The following CAMKMT variants were observed in gnomAD, a reference collection of about 807,000 sequenced individuals.
CAMKMT encodes CaM KMT.
CAMKMT carries 53 observed loss-of-function variants against 48.0 expected under a neutral mutation model. That is an observed-to-expected ratio of 1.10 (90% CI 0.89 to 1.39). CAMKMT has a LOEUF of 1.39. Among genes scored for constraint, CAMKMT ranks in the 40% most tolerant of loss-of-function variants. The pLI is 0.00. For synonymous variants in CAMKMT, 165 were observed against 152.3 expected (o/e 1.08, Z -0.61); for missense variants, 428 against 402.7 (o/e 1.06, Z -0.54).
At chr2:44,603,731 A>C (rs1380236975) in intron 3 of CAMKMT, among the ~76,000 whole-genome samples, 1 of 152,206 alleles carries the variant, frequency 6.6e-6, no homozygotes, top group Non-Finnish European at 1.5e-5. Context: ...TGCCCTCTTT[A>C]ATTATTTAAA....
At chr2:44,579,290 C>T (rs1017128652) in intron 3 of CAMKMT, among the ~76,000 whole-genome samples, 16 of 151,566 alleles carry the variant, frequency 1.1e-4, no homozygotes, top group African/African-American at 3.9e-4. Flanking sequence ...TTGCTCATGT[C>T]AGGTATTTAA....
At chr2:44,691,793 T>C (rs564163377) in intron 3 of CAMKMT, among the ~76,000 whole-genome samples, 1 of 152,286 alleles carries the variant, frequency 6.6e-6, no homozygotes, top group African/African-American at 2.4e-5. Context: ...CCCTGTGCCT[T>C]GATTTCCTCC....
At chr2:44,445,466 C>T (rs1666924682) in intron 3 of CAMKMT, among the ~76,000 whole-genome samples, 2 of 151,856 alleles carry the variant, frequency 1.3e-5, no homozygotes, top group South Asian at 4.1e-4. Flanking sequence ...TGAAAAATGC[C>T]CTCTTTTTTC....
chr2:44,398,527 C>G (rs889512827), intron 3 of CAMKMT, among the ~76,000 whole-genome samples: 1 of 148,226 alleles, frequency 6.7e-6, no homozygotes, highest in African/African-American at 2.5e-5. Context: ...CAAATGCGGG[C>G]TTTGTTTTAC....
At chr2:44,536,582 C>A (rs1256671122) in intron 3 of CAMKMT, among the ~76,000 whole-genome samples, 2 of 151,978 alleles carry the variant, frequency 1.3e-5, no homozygotes, top group Non-Finnish European at 2.9e-5. Context: ...CCCGCCTCAG[C>A]CTCCCAAAGT....
chr2:44,374,319 G>A (rs1462487592), intron 2 of CAMKMT, among the ~76,000 whole-genome samples: 2 of 152,114 alleles, frequency 1.3e-5, no homozygotes, highest in African/African-American at 2.4e-5. Context: ...TCTGTGTCAG[G>A]TACAGAGCTA....
chr2:44,367,240 C>G (rs765737432), intron 1 of CAMKMT, among the ~76,000 whole-genome samples: 2 of 151,618 alleles, frequency 1.3e-5, no homozygotes, highest in Admixed American at 1.3e-4. Flanking sequence ...TTTTCTTGTT[C>G]CAATATCCGA....
intron 3 of CAMKMT, among the ~76,000 whole-genome samples, chr2:44,452,447 C>T (rs1248064612): frequency 1.3e-5 from 2 of 152,012 alleles, no homozygotes; most frequent in Non-Finnish European, 2.9e-5. Flanking sequence ...GTGCCTGATA[C>T]ATTATTGAAT....
At chr2:44,555,026 A>G in intron 3 of CAMKMT, among the ~76,000 whole-genome samples, 1 of 152,150 alleles carries the variant, frequency 6.6e-6, no homozygotes, top group East Asian at 1.9e-4. Flanking sequence ...AGGAAACTGC[A>G]TATATGGAAG....
chr2:44,470,043 G>T (rs138632773), intron 3 of CAMKMT, among the ~76,000 whole-genome samples: 4,841 of 151,836 alleles, frequency 0.032, 110 homozygotes, highest in Non-Finnish European at 0.048. Context: ...TCTATCCATA[G>T]ATATAATTTT....
At chr2:44,591,815 A>G (rs113363357) in intron 3 of CAMKMT, among the ~76,000 whole-genome samples, 3,586 of 152,110 alleles carry the variant, frequency 0.024, 117 homozygotes, top group African/African-American at 0.076. Flanking sequence ...AACCAACCCA[A>G]ATGTCCAACA....
intron 9 of CAMKMT, among the ~76,000 whole-genome samples, chr2:44,759,460 A>T (rs551729574): frequency 1.9e-4 from 29 of 151,840 alleles, no homozygotes; most frequent in African/African-American, 4.1e-4. Flanking sequence ...TTTTTTTTTA[A>T]AAAAAGTCTA....
intron 2 of CAMKMT, among the ~76,000 whole-genome samples, chr2:44,375,150 C>T (rs578141613): frequency 4.6e-5 from 7 of 151,072 alleles, no homozygotes; most frequent in African/African-American, 1.2e-4. Context: ...GCTTGAGCCA[C>T]CATGCCTGGC....
intron 3 of CAMKMT, among the ~76,000 whole-genome samples, chr2:44,533,808 A>T (rs542123432): frequency 6.6e-6 from 1 of 152,336 alleles, no homozygotes; most frequent in African/African-American, 2.4e-5. Flanking sequence ...GATAAACAAT[A>T]AGAGATGAAG....
Position 44,765,488 on chromosome 2 carries a change from C to A in CAMKMT, c.763-942C>A, listed in dbSNP as rs1450266837. 4.6e-5 allele frequency among the ~76,000 whole-genome samples: 7 copies of A among 151,376 alleles called. No individual in the cohort carries two copies. In the East Asian group the frequency reaches 1.4e-3, roughly 29 times the overall value. On this transcript the variant is annotated intron_variant, in intron 9 of 10. Transcript: ENST00000378494. ...GCATTTCACAGAGGTGAAGTGTAAC[C>A]TTGAGAGTAACAGAAGCATATAGCC...
chr2:44,598,258 A>G (rs191426806), intron 3 of CAMKMT, among the ~76,000 whole-genome samples: 2 of 152,180 alleles, frequency 1.3e-5, no homozygotes, highest in East Asian at 1.9e-4. Flanking sequence ...TTTCCTTGCA[A>G]GTTCATGGAC....
chr2:44,578,845 A>G (rs1294038388), intron 3 of CAMKMT, among the ~76,000 whole-genome samples: 1 of 152,240 alleles, frequency 6.6e-6, no homozygotes, highest in East Asian at 1.9e-4. Flanking sequence ...CTAGTCAGTA[A>G]ATAGTAGTAT....
At chr2:44,585,607 C>A (rs1243618104) in intron 3 of CAMKMT, among the ~76,000 whole-genome samples, 1 of 152,088 alleles carries the variant, frequency 6.6e-6, no homozygotes, top group Non-Finnish European at 1.5e-5. Flanking sequence ...CAAAGGAAAA[C>A]CTTGATATGA....
intron 3 of CAMKMT, among the ~76,000 whole-genome samples, chr2:44,688,240 T>C (rs1303800628): frequency 1.3e-5 from 2 of 151,912 alleles, no homozygotes; most frequent in Non-Finnish European, 2.9e-5. Context: ...GTTGGAGACA[T>C]TTGTAGATGG....
Sources: gnomAD v4.1 joint callset for allele counts (sites outside exome capture counted in the v4.1 genomes callset) on GRCh38, gnomAD v4.1.1 for gene constraint, MANE v1.5 for transcripts, NCBI Gene and HGNC (gene_info 2026-07-23, HGNC 2026-07-21) for gene names.